STARD9: variants seen among roughly 807,000 people sequenced by gnomAD.
The protein encoded by STARD9 is stAR-related lipid transfer protein 9.
A neutral mutation model predicts 399.8 loss-of-function variants in STARD9; 346 were observed. The ratio of observed to expected loss-of-function variants is 0.87; its 90% CI spans 0.79 to 0.95. STARD9 has a LOEUF of 0.95. STARD9 is among the 40% of genes least tolerant of loss of function. STARD9 has a pLI of 0.00. For missense variants in STARD9, 5,832 were observed against 5,667.5 expected (o/e 1.03, Z -0.93); for synonymous variants, 2,203 against 2,143.5 (o/e 1.03, Z -0.77).
chr15:42,656,872 G>T (rs535068320), intron 9 of STARD9, among the ~76,000 whole-genome samples: 215 of 152,154 alleles, frequency 1.4e-3, no homozygotes, highest in African/African-American at 4.3e-3. Flanking sequence ...GGGAAAGGGG[G>T]GTGAGGGATA....
chr15:42,609,844 G>T (rs542032001), intron 3 of STARD9, among the ~76,000 whole-genome samples: 2 of 152,216 alleles, frequency 1.3e-5, no homozygotes, highest in South Asian at 2.1e-4. Flanking sequence ...TGCAATTCCA[G>T]CACTTTGGGA....
intron 3 of STARD9, among the ~76,000 whole-genome samples, chr15:42,589,607 C>G (rs1595588978): frequency 7.1e-6 from 1 of 140,124 alleles, no homozygotes; most frequent in Non-Finnish European, 1.6e-5. Context: ...TGAGATTCAT[C>G]TTTTTTTTTT....
chr15:42,617,948 C>T (rs909904977), intron 3 of STARD9, among the ~76,000 whole-genome samples: 4 of 151,784 alleles, frequency 2.6e-5, no homozygotes, highest in African/African-American at 2.4e-5. Context: ...TTTGTACATA[C>T]GGGGTCCCAC....
intron 9 of STARD9, among the ~76,000 whole-genome samples, chr15:42,658,687 C>T (rs112840248): frequency 0.41 from 61,233 of 150,756 alleles, 18,179 homozygotes; most frequent in African/African-American, 0.84. Flanking sequence ...TTCACCGTGT[C>T]GGCCAGGCTG....
intron 3 of STARD9, among the ~76,000 whole-genome samples, chr15:42,600,806 T>C (rs2141748632): frequency 6.6e-6 from 1 of 152,054 alleles, no homozygotes; most frequent in Non-Finnish European, 1.5e-5. Flanking sequence ...ATTACAGACA[T>C]GAGCCACAGT....
rs774119463 is a variant in STARD9, at chr15:42,687,976, T to C, written c.6398T>C (p.Met2133Thr). 1.8e-5 allele frequency: 27 copies of C among 1,537,352 alleles called. No individual in the cohort carries two copies. The African/African-American group carries it at 3.4e-4, about 19-fold the overall frequency. Reference sequence around the variant, plus strand: ...TTTAGGGATAGTGAAGCTGGAGCGATGGAGGTTAACAGCATTGGGAACCAT... The same window carrying C: ...TTTAGGGATAGTGAAGCTGGAGCGACGGAGGTTAACAGCATTGGGAACCAT... ...TVFRDSEAGA[M>T]EVNSIGNHPQ... The change falls in exon 23 of 33, where the codon ATG becomes ACG. Residue 2133 changes from methionine to threonine, a missense_variant. Transcript: ENST00000290607.
In STARD9 at chr15:42,658,011, A is replaced by C. The variant is rs2059909270; in HGVS notation, c.703-3147A>C. On this transcript the variant is annotated intron_variant, in intron 9 of 32. Transcript: ENST00000290607. ...CTAAATGGGAAACCTGAAACTATTA[A>C]ACTTTAGAACATAACTTAGGAGAAC... Among the ~76,000 whole-genome samples the C allele has an allele frequency of 2.0e-5, 3 of 152,360 alleles. No individual in the cohort carries two copies. The South Asian group carries it at 6.2e-4, about 32-fold the overall frequency.
Position 42,674,429 on chromosome 15 carries a change from T to C in STARD9, c.1498-11T>C. On this transcript the variant is annotated splice_polypyrimidine_tract_variant and intron_variant, in intron 16 of 32. Transcript: ENST00000290607. ...TTAATTCTCATTAAAATGGCTTTTTTCCCCCTTTAGGAAGGGACAACAAAA... is the reference window on the plus strand; with the variant it reads ...TTAATTCTCATTAAAATGGCTTTTTCCCCCCTTTAGGAAGGGACAACAAAA... 6.5e-7 allele frequency: 1 copy of C among 1,536,554 alleles called. No homozygotes were observed. The highest frequency in any genetic ancestry group is 1.2e-5 in the South Asian group (1 of 84,046).
At chr15:42,581,579 A>C (rs2141653449) in intron 1 of STARD9, 8 of 864,426 alleles carry the variant, frequency 9.3e-6, no homozygotes, top group Non-Finnish European at 9.2e-6. Context: ...TGGAAAAGCG[A>C]GCTCTGCGCA....
Position 42,669,212 on chromosome 15 carries a change from A to T in STARD9, c.1372A>T (p.Met458Leu). Residue 458 changes from methionine (M) to leucine (L), a missense_variant, in exon 16 of 33, where the codon ATG (methionine) becomes TTG (leucine). Physicochemically the swap from Met to Leu is conservative, Grantham distance 15 (BLOSUM62 2). Around this residue, in one of 2 missense-constraint regions of STARD9, gnomAD observed 5,828 missense variants for 5,651.1 expected, o/e 1.03. Coordinates refer to ENST00000290607, the MANE Select transcript of STARD9 (RefSeq NM_020759.3). ...TQKWNDWQAL[M>L]EHYSVDINRR... Reference sequence around the variant, plus strand: ...GAAGTGGAATGATTGGCAGGCCCTCATGGAGCATTACAGTGTGGACATCAA... The same window carrying T: ...GAAGTGGAATGATTGGCAGGCCCTCTTGGAGCATTACAGTGTGGACATCAA... 6.5e-7 allele frequency: 1 copy of T among 1,536,850 alleles called. No homozygotes were observed. The highest frequency in any genetic ancestry group is 8.7e-7 in the Non-Finnish European group (1 of 1,146,580).
chr15:42,585,569 G>A lies in STARD9; in HGVS notation c.166G>A (p.Ala56Thr), dbSNP rs2058259089. Residue 56 changes from alanine (A) to threonine (T), a missense_variant, in exon 3 of 33, where the codon GCA (alanine) becomes ACA (threonine). This residue lies in a region of STARD9 where 5,828 missense variants were observed against 5,651.1 expected (regional missense o/e 1.03). Coordinates refer to ENST00000290607, the MANE Select transcript of STARD9 (RefSeq NM_020759.3). ...TGGGGACTCCCGGGAGAAGGTTATG[G>A]CATTTGGCTTTGATTACTGCTACTG... ...GFGDSREKVM[A>T]FGFDYCYWSV... is the part of the protein sequence containing the mutation. 2 of 1,537,172 alleles carry A rather than the reference G, an allele frequency of 1.3e-6. No individual in the cohort carries two copies. The highest frequency in any genetic ancestry group is 8.7e-7 in the Non-Finnish European group (1 of 1,146,876).
At chr15:42,664,799 C>G (rs2060058584) in intron 13 of STARD9, among the ~76,000 whole-genome samples, 3 of 143,818 alleles carry the variant, frequency 2.1e-5, no homozygotes, top group African/African-American at 2.9e-5. Context: ...AACACACACA[C>G]ACACACACAC....
chr15:42,695,982 C>G, intron 26 of STARD9, 102 bp downstream of exon 26: 1 of 1,282,760 alleles, frequency 7.8e-7, no homozygotes, highest in Non-Finnish European at 1.0e-6. Flanking sequence ...GACGCCGTGC[C>G]TCCTGGAGGC....
chr15:42,665,113 G>A, intron 13 of STARD9, 140 bp from the exon 14 acceptor site: 2 of 650,590 alleles, frequency 3.1e-6, no homozygotes, highest in Non-Finnish European at 5.3e-6. Context: ...TGCGGGTCCT[G>A]GGACCACAAC....
intron 3 of STARD9, among the ~76,000 whole-genome samples, chr15:42,586,078 T>C (rs573762850): frequency 6.6e-6 from 1 of 152,228 alleles, no homozygotes; most frequent in Non-Finnish European, 1.5e-5. Context: ...AAAGACTGCT[T>C]GAACAAGACA....
chr15:42,713,674 T>C (rs1406118787), intron 26 of STARD9, among the ~76,000 whole-genome samples: 1 of 152,232 alleles, frequency 6.6e-6, no homozygotes, highest in Admixed American at 6.5e-5. Flanking sequence ...TTTTCTTTTA[T>C]TAATATAGTG....
At chr15:42,615,580 TTA>T (rs1196591413) in intron 3 of STARD9, among the ~76,000 whole-genome samples, 2 of 151,338 alleles carry the variant, frequency 1.3e-5, no homozygotes, top group Non-Finnish European at 2.9e-5. Flanking sequence ...AAAACCCATA[TTA>T]TATATATATA....
chr15:42,605,893 A>G (rs1311241035), intron 3 of STARD9, among the ~76,000 whole-genome samples: 1 of 152,308 alleles, frequency 6.6e-6, no homozygotes, highest in African/African-American at 2.4e-5. Context: ...TTTAAAGCAC[A>G]AACATGTCGT....
At chr15:42,600,649 C>T (rs1033959239) in intron 3 of STARD9, among the ~76,000 whole-genome samples, 16 of 151,760 alleles carry the variant, frequency 1.1e-4, no homozygotes, top group African/African-American at 3.6e-4. Context: ...CCTCAGCCTC[C>T]CGAGTAGCTG....
Sources: allele counts gnomAD v4.1 joint callset (sites outside exome capture counted in the v4.1 genomes callset), GRCh38; gene constraint gnomAD v4.1.1; regional missense constraint gnomAD v4.1.1; transcripts MANE v1.5; gene names NCBI Gene and HGNC (gene_info 2026-07-23, HGNC 2026-07-21).